Variants in PRSS3 observed in about 807,000 individuals in gnomAD.
PRSS3 encodes the protein trypsin-3.
A neutral mutation model predicts 20.8 loss-of-function variants in PRSS3; 14 were observed. The observed-to-expected ratio is 0.67, with a 90% CI of 0.44 to 1.05. PRSS3 has a LOEUF of 1.05. Among genes scored for constraint, PRSS3 ranks in the 50% least tolerant of loss-of-function variants. The pLI, the probability that PRSS3 is intolerant of heterozygous loss-of-function variation, is 0.00. For missense variants in PRSS3, 237 were observed against 306.4 expected (o/e 0.77, Z 1.69); for synonymous variants, 91 against 117.6 (o/e 0.77, Z 1.46).
chr9:33,796,515 G>T (rs1410156198), intron 1 of PRSS3, 128 bp from the exon 2 acceptor site: 2 of 1,386,806 alleles, frequency 1.4e-6, no homozygotes, highest in East Asian at 4.6e-5. Flanking sequence ...GGGTGGCAGC[G>T]CTCCCTCCCT....
chr9:33,785,325 C>T (rs1318984896), intron 1 of PRSS3, among the ~76,000 whole-genome samples: 1 of 150,468 alleles, frequency 6.6e-6, no homozygotes, highest in Admixed American at 6.6e-5. Context: ...CTACAGGCGC[C>T]CGCCACTACG....
chr9:33,776,347 G>C (rs183102364), intron 1 of PRSS3, among the ~76,000 whole-genome samples: 1 of 152,044 alleles, frequency 6.6e-6, no homozygotes, highest in East Asian at 1.9e-4. Flanking sequence ...AAAAGGGAGA[G>C]AAAAAAATAT....
rs370402474 is a variant in PRSS3 at position 33,778,170 on chromosome 9, A to G, written c.-52-16576A>G. On this transcript the variant is annotated intron_variant, in intron 1 of 5. Coordinates refer to the PRSS3 transcript ENST00000342836. ...CATTTATGATAAAAACACTCAGAAA[A>G]TTAGGTTGAAAAAAGGGACTTCTTC... 9.8e-5 allele frequency among the ~76,000 whole-genome samples: 15 copies of G among 152,294 alleles called. No homozygotes were observed. In the East Asian group the frequency reaches 2.9e-3, roughly 29 times the overall value.
upstream of PRSS3, among the ~76,000 whole-genome samples, chr9:33,795,227 CAG>C (rs1171187107): frequency 1.3e-5 from 2 of 152,132 alleles, no homozygotes; most frequent in African/African-American, 4.8e-5. Context: ...CCTAGACACC[CAG>C]GCCATTCTCC....
intron 1 of PRSS3, among the ~76,000 whole-genome samples, chr9:33,769,508 AC>A (rs1213333365): frequency 6.6e-6 from 1 of 152,220 alleles, no homozygotes; most frequent in African/African-American, 2.4e-5. Context: ...GCCAGTTTGG[AC>A]CAAAGGAGAC....
chr9:33,773,740 C>A (rs1823803697), intron 1 of PRSS3, among the ~76,000 whole-genome samples: 1 of 152,214 alleles, frequency 6.6e-6, no homozygotes, highest in South Asian at 2.1e-4. Context: ...ACCTCACAGG[C>A]TCAAGCAATC....
intron 1 of PRSS3, among the ~76,000 whole-genome samples, chr9:33,785,548 A>G (rs1473636917): frequency 6.6e-6 from 1 of 152,128 alleles, no homozygotes; most frequent in Non-Finnish European, 1.5e-5. Flanking sequence ...AATAGAAGAA[A>G]CCATATTACA....
At chr9:33,798,297 T>G in intron 3 of PRSS3, 189 bp from the exon 4 acceptor site, 5 of 1,245,814 alleles carry the variant, frequency 4.0e-6, no homozygotes, top group Non-Finnish European at 5.6e-6. Flanking sequence ...CTTGCTGTGA[T>G]CACGTCTTGG....
At chr9:33,769,253 T>A (rs889541591) in intron 1 of PRSS3, among the ~76,000 whole-genome samples, 6 of 152,178 alleles carry the variant, frequency 3.9e-5, no homozygotes, top group Admixed American at 6.5e-5. Context: ...AAACTCTCAG[T>A]CTATCCATTC....
At chr9:33,787,384 C>T (rs140264063) in intron 1 of PRSS3, among the ~76,000 whole-genome samples, 42 of 152,222 alleles carry the variant, frequency 2.8e-4, no homozygotes, top group African/African-American at 9.6e-4. Context: ...AGTTCAGGAA[C>T]CTTCTATACT....
chr9:33,779,896 A>AAAAC (rs1824109235), intron 1 of PRSS3, among the ~76,000 whole-genome samples: 2 of 134,144 alleles, frequency 1.5e-5, no homozygotes, highest in African/African-American at 5.2e-5. Context: ...AAAAAAAAAA[A>AAAAC]CCTCTAACAA....
intron 1 of PRSS3, among the ~76,000 whole-genome samples, chr9:33,773,691 G>A (rs1823800912): frequency 1.3e-5 from 2 of 152,232 alleles, no homozygotes; most frequent in Admixed American, 6.5e-5. Context: ...GGAGTGACAC[G>A]GAGTGTCAGC....
upstream of PRSS3, among the ~76,000 whole-genome samples, chr9:33,794,566 GATCCCA>G (rs1459653999): frequency 6.7e-6 from 1 of 148,566 alleles, no homozygotes; most frequent in Non-Finnish European, 1.5e-5. Flanking sequence ...TCTTCTTATT[GATCCCA>G]ATATGTGACC....
chr9:33,796,846 C>A, intron 2 of PRSS3, 44 bp downstream of exon 2: 2 of 1,613,806 alleles, frequency 1.2e-6, no homozygotes, highest in Non-Finnish European at 1.7e-6. Context: ...GCCAGGCTGC[C>A]TGGGAGAGCT....
At position 33,767,810 on chromosome 9, in the gene PRSS3, A is replaced by C. The variant is rs551327150; in HGVS notation, c.-53+17083A>C. ...ACTGCACTCCAGCCTGGGCAACAAG[A>C]GCGAACCTCTGTCTGAAAAAAAAAG... On this transcript the variant is annotated intron_variant, in intron 1 of 5. Coordinates refer to the PRSS3 transcript ENST00000342836. Among the ~76,000 whole-genome samples the C allele has an allele frequency of 2.4e-4, 37 of 151,916 alleles. No homozygotes were observed. The East Asian group carries it at 7.0e-3, about 29-fold the overall frequency.
At chr9:33,768,254 T>C (rs1051843597) in intron 1 of PRSS3, among the ~76,000 whole-genome samples, 5 of 150,770 alleles carry the variant, frequency 3.3e-5, no homozygotes, top group African/African-American at 1.2e-4. Flanking sequence ...CTGAGGCGGG[T>C]GGATAACTTG....
intron 4 of PRSS3, 169 bp from the exon 5 acceptor site, chr9:33,798,859 C>A (rs1044098090): frequency 4.6e-5 from 50 of 1,078,450 alleles, no homozygotes; most frequent in Non-Finnish European, 6.4e-5. Context: ...GAGGGAGGCT[C>A]CCTTGTGCTG....
chr9:33,755,561 T>C (rs373272570), intron 1 of PRSS3, among the ~76,000 whole-genome samples: 9 of 152,150 alleles, frequency 5.9e-5, no homozygotes, highest in African/African-American at 1.9e-4. Flanking sequence ...AAGTTCCCAA[T>C]ACGGTTATAT....
In PRSS3 at chr9:33,799,114, T is replaced by C. The variant is rs770619265; in HGVS notation, c.678T>C (p.Pro226=). The change falls in exon 5 of 5, where the codon CCT becomes CCC. Residue 226 remains proline (P), a synonymous_variant. Transcript: ENST00000379405. ...ATGGCTGTGCCTGGAAGAACAGGCC[T>C]GGAGTCTACACCAAGGTCTACAACT... is the stretch of plus-strand genomic sequence containing the variant. The part of the protein sequence containing the change: ...WGHGCAWKNR[P]GVYTKVYNYV... 4 of 1,613,960 alleles carry C rather than the reference T, an allele frequency of 2.5e-6. No homozygotes were observed. The highest frequency in any genetic ancestry group is 2.2e-5 in the East Asian group (1 of 44,868).
Sources: gnomAD v4.1 joint callset for allele counts (sites outside exome capture counted in the v4.1 genomes callset) on GRCh38, gnomAD v4.1.1 for gene constraint, MANE v1.5 for transcripts, NCBI Gene and HGNC (gene_info 2026-07-23, HGNC 2026-07-21) for gene names.